KCTD16: variants seen among roughly 807,000 people sequenced by gnomAD.
The protein encoded by KCTD16 is BTB/POZ domain-containing protein KCTD16.
Under a neutral mutation model 33.2 loss-of-function variants are expected in KCTD16, and 13 were observed. That is an observed-to-expected ratio of 0.39 (90% CI 0.25 to 0.62). The LOEUF (loss-of-function observed/expected upper bound fraction) is 0.62. Ranked by LOEUF, KCTD16 falls within the 20% of genes least tolerant of loss-of-function variation. The pLI is 0.50. For synonymous variants in KCTD16, 197 were observed against 195.3 expected (o/e 1.01, Z -0.07); for missense variants, 441 against 525.1 (o/e 0.84, Z 1.57).
rs188232342 is a variant in KCTD16 at position 144,468,867 on chromosome 5, T to C, written c.833-4793T>C. 4.2e-3 allele frequency among the ~76,000 whole-genome samples: 643 copies of C among 152,298 alleles called. 6 individuals are homozygous for C. The highest frequency in any genetic ancestry group is 0.015 in the African/African-American group (622 of 41,562). Reference sequence around the variant, plus strand: ...GAGCTTTTAAAAATGCATAAGCACTTTGTGAGTTTGCTAAGTCATGTTTCA... The same window carrying C: ...GAGCTTTTAAAAATGCATAAGCACTCTGTGAGTTTGCTAAGTCATGTTTCA... On this transcript the variant is annotated intron_variant, in intron 3 of 3. Transcript: ENST00000512467.
intron 3 of KCTD16, among the ~76,000 whole-genome samples, chr5:144,352,531 T>G (rs188675508): frequency 1.9e-4 from 29 of 152,332 alleles, no homozygotes; most frequent in Admixed American, 1.4e-3. Flanking sequence ...CCAGCTTGTC[T>G]GCCCTGGAAC....
chr5:144,403,119 G>C (rs1050222036), intron 3 of KCTD16, among the ~76,000 whole-genome samples: 1 of 151,940 alleles, frequency 6.6e-6, no homozygotes, highest in Non-Finnish European at 1.5e-5. Context: ...TGATTACATC[G>C]GGCACACCTG....
intron 3 of KCTD16, among the ~76,000 whole-genome samples, chr5:144,235,288 T>A (rs1047315527): frequency 2.0e-5 from 3 of 152,152 alleles, no homozygotes; most frequent in Non-Finnish European, 2.9e-5. Flanking sequence ...GGAGGTTCTA[T>A]GTGCCTCTCC....
chr5:144,212,861 AC>A (rs1313372855), intron 3 of KCTD16, among the ~76,000 whole-genome samples: 1 of 152,126 alleles, frequency 6.6e-6, no homozygotes, highest in East Asian at 1.9e-4. Context: ...TGTAACCATC[AC>A]CCATCTCTAA....
At chr5:144,265,778 G>A (rs1755125988) in intron 3 of KCTD16, among the ~76,000 whole-genome samples, 2 of 152,118 alleles carry the variant, frequency 1.3e-5, no homozygotes, top group Non-Finnish European at 2.9e-5. Context: ...AGTCCTGACA[G>A]CAATTCTAAT....
chr5:144,187,437 C>CACATAT (rs1246197521), intron 2 of KCTD16, among the ~76,000 whole-genome samples: 2 of 152,012 alleles, frequency 1.3e-5, no homozygotes, highest in African/African-American at 4.8e-5. Context: ...CACACACACA[C>CACATAT]ACACACACAT....
At chr5:144,362,124 CA>C in intron 3 of KCTD16, among the ~76,000 whole-genome samples, 1 of 152,132 alleles carries the variant, frequency 6.6e-6, no homozygotes, top group East Asian at 1.9e-4. Context: ...GTGATCTCTT[CA>C]AACTACTAGA....
chr5:144,403,501 G>A (rs1485561861), intron 3 of KCTD16, among the ~76,000 whole-genome samples: 1 of 152,040 alleles, frequency 6.6e-6, no homozygotes, highest in Non-Finnish European at 1.5e-5. Flanking sequence ...AGGAAAGCCA[G>A]GGATTGCCAG....
intron 2 of KCTD16, among the ~76,000 whole-genome samples, chr5:144,193,443 C>T (rs1287591333): frequency 1.3e-5 from 2 of 152,100 alleles, no homozygotes. Context: ...GCACACTGTT[C>T]CCAGCATTTC....
At chr5:144,223,478 T>A (rs1046160602) in intron 3 of KCTD16, among the ~76,000 whole-genome samples, 12 of 152,232 alleles carry the variant, frequency 7.9e-5, no homozygotes, top group African/African-American at 2.9e-4. Flanking sequence ...TTTTATACAG[T>A]TCAGTATCAT....
chr5:144,330,145 G>T (rs1485472571), intron 3 of KCTD16, among the ~76,000 whole-genome samples: 1 of 152,130 alleles, frequency 6.6e-6, no homozygotes, highest in African/African-American at 2.4e-5. Context: ...AGGAGTGGTG[G>T]CTCACGCCTG....
At chr5:144,402,913 T>G (rs1353213566) in intron 3 of KCTD16, among the ~76,000 whole-genome samples, 3 of 152,240 alleles carry the variant, frequency 2.0e-5, no homozygotes, top group Admixed American at 6.5e-5. Flanking sequence ...AAAAAGCCTT[T>G]TAAGGGGTAA....
chr5:144,340,160 ATCCC>A (rs1292524684), intron 3 of KCTD16, among the ~76,000 whole-genome samples: 12 of 152,166 alleles, frequency 7.9e-5, no homozygotes, highest in Admixed American at 7.2e-4. Flanking sequence ...CACGCCTGTA[ATCCC>A]AGCACTTTGG....
intron 2 of KCTD16, among the ~76,000 whole-genome samples, chr5:144,200,407 A>T (rs996137479): frequency 7.9e-5 from 12 of 152,210 alleles, no homozygotes; most frequent in African/African-American, 2.9e-4. Context: ...TCCACTCCCA[A>T]CTTTTAGATT....
At chr5:144,181,223 G>A (rs1012210094) in intron 2 of KCTD16, among the ~76,000 whole-genome samples, 4 of 151,850 alleles carry the variant, frequency 2.6e-5, no homozygotes, top group African/African-American at 9.7e-5. Flanking sequence ...GTGAGCCACC[G>A]TGCCCAGCCT....
chr5:144,265,228 G>A (rs149367500), intron 3 of KCTD16, among the ~76,000 whole-genome samples: 89 of 152,134 alleles, frequency 5.9e-4, no homozygotes, highest in Middle Eastern at 3.4e-3. Flanking sequence ...AAGGACATTA[G>A]CATGGTTTAA....
intron 2 of KCTD16, among the ~76,000 whole-genome samples, chr5:144,181,318 A>C (rs1429590123): frequency 1.3e-5 from 2 of 152,068 alleles, no homozygotes; most frequent in African/African-American, 4.8e-5. Context: ...ATGTAATTGA[A>C]AAACAAAACA....
chr5:144,243,129 A>G (rs769075195), intron 3 of KCTD16, among the ~76,000 whole-genome samples: 1 of 152,210 alleles, frequency 6.6e-6, no homozygotes, highest in Non-Finnish European at 1.5e-5. Context: ...GAGGAAGACC[A>G]TAGATGTAAA....
intron 3 of KCTD16, among the ~76,000 whole-genome samples, chr5:144,320,518 TA>T (rs1409393854): frequency 2.0e-5 from 3 of 152,280 alleles, no homozygotes; most frequent in African/African-American, 7.2e-5. Context: ...TTTATTTTAT[TA>T]AAAATAATTA....
Sources: gnomAD v4.1 joint callset for allele counts (sites outside exome capture counted in the v4.1 genomes callset) on GRCh38, gnomAD v4.1.1 for gene constraint, MANE v1.5 for transcripts, NCBI Gene and HGNC (gene_info 2026-07-23, HGNC 2026-07-21) for gene names.